ANKH: variants seen among roughly 807,000 people sequenced by gnomAD.
The protein encoded by ANKH is mineralization regulator ANKH.
ANKH carries 15 observed loss-of-function variants against 49.0 expected under a neutral mutation model. The ratio of observed to expected loss-of-function variants is 0.31; its 90% CI spans 0.20 to 0.47. The LOEUF is 0.47. ANKH is among the 20% of genes least tolerant of loss of function. The pLI, the probability that ANKH is intolerant of heterozygous loss-of-function variation, is 1.00. For missense variants in ANKH, 429 were observed against 652.0 expected (o/e 0.66, Z 3.72); for synonymous variants, 273 against 260.0 (o/e 1.05, Z -0.48).
intron 1 of ANKH, among the ~76,000 whole-genome samples, chr5:14,821,101 A>AAC (rs1347367620): frequency 1.3e-5 from 2 of 151,782 alleles, no homozygotes; most frequent in Non-Finnish European, 2.9e-5. Context: ...CTGTCTTAAA[A>AAC]AAAAAAAAAA....
intron 1 of ANKH, among the ~76,000 whole-genome samples, chr5:14,867,569 T>C (rs1224251021): frequency 1.3e-5 from 2 of 152,240 alleles, no homozygotes; most frequent in Admixed American, 6.5e-5. Context: ...CTTTTTTTTT[T>C]TGAGACGGAG....
chr5:14,806,132 AAC>A (rs2126566703), intron 1 of ANKH, among the ~76,000 whole-genome samples: 1 of 152,210 alleles, frequency 6.6e-6, no homozygotes, highest in East Asian at 1.9e-4. Context: ...CTGCCACTTC[AAC>A]ACATTTGTTC....
At chr5:14,748,603 T>A (rs1580031751) in intron 6 of ANKH, among the ~76,000 whole-genome samples, 1 of 152,222 alleles carries the variant, frequency 6.6e-6, no homozygotes, top group African/African-American at 2.4e-5. Context: ...TAAAGTTTGT[T>A]CAATCAAGGA....
rs869185652 is a variant in ANKH at position 14,771,921 on chromosome 5, G to GAA, written c.97-2732_97-2731dup. Among the ~76,000 whole-genome samples, 101 of 53,362 alleles carry GAA rather than the reference G, an allele frequency of 1.9e-3. 1 individual carries two copies. The highest frequency in any genetic ancestry group is 6.4e-3 in the African/African-American group (92 of 14,474). 35.0% of individuals were successfully genotyped at this position (53,362 alleles called of 152,430 possible). ...AGAGTGAGACTGTGTCTCAAAAAAA[G>GAA]AAAAAAAAAAAAAAAAAAAAAAAAA... is the stretch of plus-strand genomic sequence containing the variant. On this transcript the variant is annotated intron_variant, in intron 1 of 11. Transcript: ENST00000284268.
In ANKH at chr5:14,751,204, C is replaced by T; in HGVS notation, c.552G>A (p.Leu184=). ...VFVAILLHSH[L]ECREPLLIPI... ...GGATGAGCAGGGGCTCCCGGCATTC[C>T]AGGTGACTGTGAAGCAAAATGGCTA... Residue 184 remains leucine (L), a synonymous_variant, in exon 5 of 12, where the codon CTG becomes CTA. Coordinates refer to ENST00000284268, the MANE Select transcript of ANKH (RefSeq NM_054027.6). The T allele has an allele frequency of 3.7e-6, 6 of 1,614,192 alleles. No individual in the cohort carries two copies. Among genetic ancestry groups the T allele is most frequent in the Non-Finnish European group, 5.1e-6 (6 of 1,180,034 alleles).
intron 1 of ANKH, among the ~76,000 whole-genome samples, chr5:14,846,660 C>T (rs542383805): frequency 1.3e-5 from 2 of 152,122 alleles, no homozygotes; most frequent in Non-Finnish European, 2.9e-5. Flanking sequence ...TAGTAGAGTG[C>T]ACATACATTT....
chr5:14,832,907 T>C (rs1159403289), intron 1 of ANKH, among the ~76,000 whole-genome samples: 1 of 152,188 alleles, frequency 6.6e-6, no homozygotes, highest in Non-Finnish European at 1.5e-5. Context: ...GAGAAATTTG[T>C]CTGCAAAAAT....
At chr5:14,782,881 C>A (rs766919453) in intron 1 of ANKH, among the ~76,000 whole-genome samples, 4 of 152,134 alleles carry the variant, frequency 2.6e-5, no homozygotes, top group African/African-American at 7.2e-5. Flanking sequence ...AGTGGGGATG[C>A]CAAGTGAACC....
At chr5:14,813,075 T>C (rs1363597059) in intron 1 of ANKH, among the ~76,000 whole-genome samples, 1 of 152,034 alleles carries the variant, frequency 6.6e-6, no homozygotes, top group Non-Finnish European at 1.5e-5. Flanking sequence ...ACCCTATCTC[T>C]ACAAAAAATT....
intron 1 of ANKH, among the ~76,000 whole-genome samples, chr5:14,846,148 C>T (rs1741954506): frequency 6.6e-6 from 1 of 152,128 alleles, no homozygotes; most frequent in Non-Finnish European, 1.5e-5. Context: ...TGAGCCACCG[C>T]GCCCGGCCGT....
At chr5:14,863,766 TCTC>T (rs1735569529) in intron 1 of ANKH, among the ~76,000 whole-genome samples, 1 of 152,088 alleles carries the variant, frequency 6.6e-6, no homozygotes, top group African/African-American at 2.4e-5. Context: ...AAGGAATGGT[TCTC>T]CACCCATGCT....
chr5:14,775,284 G>A (rs1371123956), intron 1 of ANKH, among the ~76,000 whole-genome samples: 4 of 152,004 alleles, frequency 2.6e-5, no homozygotes, highest in African/African-American at 4.8e-5. Flanking sequence ...GCCCAGGCTG[G>A]TCTTGGCTGA....
intron 8 of ANKH, among the ~76,000 whole-genome samples, chr5:14,728,163 G>A (rs553962269): frequency 2.0e-5 from 3 of 152,230 alleles, no homozygotes; most frequent in Non-Finnish European, 2.9e-5. Flanking sequence ...CTCACTATGC[G>A]CCAACAGCGC....
At chr5:14,865,799 T>C (rs1245887662) in intron 1 of ANKH, among the ~76,000 whole-genome samples, 2 of 152,250 alleles carry the variant, frequency 1.3e-5, no homozygotes, top group East Asian at 1.9e-4. Flanking sequence ...CTTCTCTTTT[T>C]GTCCATCTTG....
intron 1 of ANKH, among the ~76,000 whole-genome samples, chr5:14,806,171 C>T (rs1029295187): frequency 1.3e-5 from 2 of 152,142 alleles, no homozygotes; most frequent in Non-Finnish European, 2.9e-5. Flanking sequence ...TACAGACTGC[C>T]TAATTCAATA....
At chr5:14,711,643 T>C (rs1228888932) in intron 11 of ANKH, among the ~76,000 whole-genome samples, 3 of 152,202 alleles carry the variant, frequency 2.0e-5, no homozygotes, top group Non-Finnish European at 4.4e-5. Context: ...ACCTGTAGAC[T>C]GCTTCTCCTT....
chr5:14,717,932 A>G (rs1737532627), intron 8 of ANKH, among the ~76,000 whole-genome samples: 1 of 152,178 alleles, frequency 6.6e-6, no homozygotes, highest in Non-Finnish European at 1.5e-5. Context: ...TGGATGAGGC[A>G]TACTCAATCT....
At chr5:14,733,435 T>A (rs1005024280) in intron 8 of ANKH, among the ~76,000 whole-genome samples, 2 of 152,220 alleles carry the variant, frequency 1.3e-5, no homozygotes, top group African/African-American at 4.8e-5. Flanking sequence ...TCACAAGCAC[T>A]GCCCGTAGGT....
chr5:14,812,836 GTAAC>G (rs1028298540), intron 1 of ANKH, among the ~76,000 whole-genome samples: 23 of 152,328 alleles, frequency 1.5e-4, no homozygotes, highest in Middle Eastern at 3.4e-3. Flanking sequence ...TTGTACTCAA[GTAAC>G]TGACTGTCTA....
Sources: allele counts gnomAD v4.1 joint callset (sites outside exome capture counted in the v4.1 genomes callset), GRCh38; gene constraint gnomAD v4.1.1; transcripts MANE v1.5; gene names NCBI Gene and HGNC (gene_info 2026-07-23, HGNC 2026-07-21).